Variants in PTPRO observed in about 807,000 individuals in gnomAD.
PTPRO encodes receptor-type tyrosine-protein phosphatase O.
Under a neutral mutation model 145.2 loss-of-function variants are expected in PTPRO, and 62 were observed. That is an observed-to-expected ratio of 0.43 (90% confidence interval 0.35 to 0.53). PTPRO has a LOEUF of 0.53. Among genes scored for constraint, PTPRO ranks in the 20% least tolerant of loss-of-function variants. The pLI is 0.01. For missense variants in PTPRO, 1,345 were observed against 1,482.7 expected, an observed-to-expected ratio of 0.91 and a Z score of 1.53; for synonymous variants, 565 against 514.7, an observed-to-expected ratio of 1.10 and a Z score of -1.32.
intron 1 of PTPRO, among the ~76,000 whole-genome samples, chr12:15,332,047 C>A (rs1866628206): frequency 6.8e-6 from 1 of 147,110 alleles, no homozygotes; most frequent in South Asian, 2.2e-4. Context: ...CTCACTGCAA[C>A]CTCTGCCTTC....
chr12:15,387,053 A>G (rs530224554), intron 1 of PTPRO, among the ~76,000 whole-genome samples: 1 of 152,212 alleles, frequency 6.6e-6, no homozygotes, highest in Non-Finnish European at 1.5e-5. Flanking sequence ...ATTATATTGC[A>G]TACAAAAACC....
At chr12:15,526,892 T>C (rs1189276310) in intron 12 of PTPRO, among the ~76,000 whole-genome samples, 2 of 151,826 alleles carry the variant, frequency 1.3e-5, no homozygotes, top group East Asian at 3.9e-4. Context: ...AGCAAAGAAA[T>C]GAACAAGTTA....
Position 15,445,060 on chromosome 12 carries a change from T to C in PTPRO, c.76-38914T>C, listed in dbSNP as rs149845208. On this transcript the variant is annotated intron_variant, in intron 1 of 26. Coordinates refer to ENST00000281171, the MANE Select transcript of PTPRO (RefSeq NM_030667.3). ...TTAAAATGAATATAAGCAAAGAATA[T>C]TTACTGATGTGCTGAGTTTCTTCCA... Among the ~76,000 whole-genome samples the C allele has an allele frequency of 7.8e-3, 1,182 of 152,262 alleles. 15 individuals carry two copies. Among genetic ancestry groups the C allele is most frequent in the African/African-American group, 0.027 (1,139 of 41,568 alleles).
chr12:15,421,087 T>G (rs1940131416), intron 1 of PTPRO, among the ~76,000 whole-genome samples: 1 of 152,234 alleles, frequency 6.6e-6, no homozygotes, highest in Non-Finnish European at 1.5e-5. Context: ...TTTGGTCTAT[T>G]TTTCATTAAT....
At chr12:15,412,074 G>A (rs565223950) in intron 1 of PTPRO, among the ~76,000 whole-genome samples, 5 of 152,270 alleles carry the variant, frequency 3.3e-5, no homozygotes, top group South Asian at 4.1e-4. Context: ...CTGTGTCAGC[G>A]AAATTACAAA....
intron 1 of PTPRO, among the ~76,000 whole-genome samples, chr12:15,388,270 G>A (rs1378826377): frequency 2.6e-5 from 4 of 151,796 alleles, no homozygotes; most frequent in Non-Finnish European, 4.4e-5. Context: ...AAAAAATCAA[G>A]GAAAAAATGT....
chr12:15,550,194 TG>T (rs1362097110), intron 14 of PTPRO, among the ~76,000 whole-genome samples: 1 of 152,198 alleles, frequency 6.6e-6, no homozygotes, highest in African/African-American at 2.4e-5. Context: ...AACACATTTT[TG>T]TATGTTATAC....
rs1456662309 is a variant in PTPRO at position 15,322,695 on chromosome 12, A to G, written c.-32A>G. The G allele has an allele frequency of 1.9e-6, 3 of 1,588,514 alleles. No homozygotes were observed. The highest frequency in any genetic ancestry group is 2.6e-6 in the Non-Finnish European group (3 of 1,163,046). ...CGCCGCCGGGGGAGTCCGCTAGCGCAGCCGTGCCCCCGAGTCCCCGTCCGC... is the reference window on the plus strand; with the variant it reads ...CGCCGCCGGGGGAGTCCGCTAGCGCGGCCGTGCCCCCGAGTCCCCGTCCGC... On this transcript the variant is annotated 5_prime_UTR_variant, in exon 1 of 27. Transcript: ENST00000281171. The surrounding 1 kb of genome is among the most constrained non-coding windows in gnomAD (Gnocchi z 6.3).
intron 1 of PTPRO, among the ~76,000 whole-genome samples, chr12:15,482,392 C>G (rs1024090270): frequency 8.6e-5 from 13 of 151,962 alleles, no homozygotes; most frequent in Non-Finnish European, 1.9e-4. Flanking sequence ...GAGAGGGGGA[C>G]AGCCAAAGGC....
chr12:15,589,648 T>A lies in PTPRO; in HGVS notation c.3546+58T>A. 11 of 1,572,010 alleles carry A rather than the reference T, an allele frequency of 7.0e-6. No homozygotes were observed. The South Asian group carries it at 1.1e-4, about 16-fold the overall frequency. On this transcript the variant is annotated intron_variant, in intron 25 of 26. Transcript: ENST00000281171. ...TTCCCTGGACTGAAAAACTTACCAT[T>A]ATTCAATGATATGCTTCAAAACAAT...
Position 15,520,210 on chromosome 12 carries a change from A to G in PTPRO, c.1789A>G (p.Asn597Asp), listed in dbSNP as rs777308838. ...VSLTASVRIA[N>D]LLPAWYYNFR... ...TGCTTTTCTCATTCAGAGAATAGCT[A>G]ATCTGCTGCCAGCATGGTACTACAA... Residue 597 changes from asparagine to aspartate, a missense_variant, in exon 10 of 27, where the codon AAT becomes GAT. Asn to Asp is a conservative substitution (Grantham distance 23, BLOSUM62 1). Coordinates refer to ENST00000281171, the MANE Select transcript of PTPRO (RefSeq NM_030667.3). 1.9e-6 allele frequency: 3 copies of G among 1,612,896 alleles called. No homozygotes were observed. Among genetic ancestry groups the G allele is most frequent in the East Asian group, 2.2e-5 (1 of 44,870 alleles).
At chr12:15,527,180 T>A (rs116379190) in intron 12 of PTPRO, among the ~76,000 whole-genome samples, 3,635 of 152,284 alleles carry the variant, frequency 0.024, 54 homozygotes, top group South Asian at 0.045. Context: ...AATACGAGGA[T>A]GCGACCGATT....
At chr12:15,551,501 G>A in intron 14 of PTPRO, 50 bp from the exon 15 acceptor site, 1 of 1,603,708 alleles carries the variant, frequency 6.2e-7, no homozygotes, top group Non-Finnish European at 8.5e-7. Context: ...GGTTCTGTTT[G>A]GTTCCCTGTA....
chr12:15,483,879 A>T, intron 1 of PTPRO, 95 bp from the exon 2 acceptor site: 2 of 1,325,928 alleles, frequency 1.5e-6, no homozygotes, highest in Admixed American at 1.7e-5. Context: ...AATGTTTATG[A>T]TACACAACAA....
At chr12:15,510,158 A>G (rs1942409663) in intron 7 of PTPRO, among the ~76,000 whole-genome samples, 1 of 152,224 alleles carries the variant, frequency 6.6e-6, no homozygotes, top group African/African-American at 2.4e-5. Context: ...AAAATTAAGC[A>G]TTTAATGAAA....
chr12:15,464,446 C>G, intron 1 of PTPRO, among the ~76,000 whole-genome samples: 1 of 151,926 alleles, frequency 6.6e-6, no homozygotes, highest in East Asian at 1.9e-4. Flanking sequence ...GCTCCACCTC[C>G]TGGGTTCAAG....
At chr12:15,438,095 T>C (rs1471492782) in intron 1 of PTPRO, among the ~76,000 whole-genome samples, 1 of 152,070 alleles carries the variant, frequency 6.6e-6, no homozygotes, top group Admixed American at 6.5e-5. Context: ...CATACTGCTA[T>C]AGAAGAAAAA....
chr12:15,496,151 T>G lies in PTPRO; in HGVS notation c.350-1094T>G, dbSNP rs868702953. On this transcript the variant is annotated intron_variant, in intron 2 of 26. Transcript: ENST00000281171. ...TTTCTTTTCTTTTTTTGTTTTTTTT[T>G]TTTTTTTTTTTTTGAGATTTCACTC... 6.9e-3 allele frequency among the ~76,000 whole-genome samples: 968 copies of G among 140,444 alleles called. 11 individuals carry two copies. The highest frequency in any genetic ancestry group is 0.024 in the African/African-American group (925 of 38,464). 92.1% of individuals were successfully genotyped at this position (140,444 alleles called of 152,430 possible).
chr12:15,354,245 AT>A (rs1230350712), intron 1 of PTPRO, among the ~76,000 whole-genome samples: 1 of 152,130 alleles, frequency 6.6e-6, no homozygotes, highest in Non-Finnish European at 1.5e-5. Flanking sequence ...TTGTAAACTG[AT>A]TTCTTTGTGG....
Sources: allele counts gnomAD v4.1 joint callset (sites outside exome capture counted in the v4.1 genomes callset), GRCh38; gene constraint gnomAD v4.1.1; non-coding constraint Gnocchi (gnomAD v3.1); transcripts MANE v1.5; gene names NCBI Gene and HGNC (gene_info 2026-07-23, HGNC 2026-07-21).